The following FSTL5 variants were observed in gnomAD, a reference collection of about 807,000 sequenced individuals.
The protein encoded by FSTL5 is follistatin-related protein 5.
A neutral mutation model predicts 89.1 loss-of-function variants in FSTL5; 62 were observed. The ratio of observed to expected loss-of-function variants is 0.70; its 90% CI spans 0.57 to 0.86. The LOEUF is 0.86. Among genes scored for constraint, FSTL5 ranks in the 40% least tolerant of loss-of-function variants. The pLI, the probability that FSTL5 is intolerant of heterozygous loss-of-function variation, is 0.00. For synonymous variants in FSTL5, 383 were observed against 346.2 expected (o/e 1.11, Z -1.18); for missense variants, 1,057 against 1,001.6 (o/e 1.06, Z -0.75).
At chr4:162,124,784 C>T (rs566628555) in intron 1 of FSTL5, among the ~76,000 whole-genome samples, 23 of 152,274 alleles carry the variant, frequency 1.5e-4, no homozygotes, top group African/African-American at 3.6e-4. Context: ...ACTGCAACCT[C>T]GGCCCTCCGG....
intron 3 of FSTL5, among the ~76,000 whole-genome samples, chr4:161,984,965 T>TC (rs1735922390): frequency 1.3e-5 from 2 of 152,020 alleles, no homozygotes. Context: ...AATACTTTTT[T>TC]TTTTTTTTTA....
intron 12 of FSTL5, among the ~76,000 whole-genome samples, chr4:161,497,766 T>C (rs1295268553): frequency 1.2e-4 from 18 of 152,024 alleles, no homozygotes; most frequent in Admixed American, 1.2e-3. Context: ...AAAAATCTGA[T>C]ATAGCAGATT....
At chr4:161,461,941 A>G (rs1481170601) in intron 13 of FSTL5, among the ~76,000 whole-genome samples, 1 of 152,162 alleles carries the variant, frequency 6.6e-6, no homozygotes, top group Non-Finnish European at 1.5e-5. Flanking sequence ...CAGTAAAAAA[A>G]AAAATCTCAT....
At chr4:161,445,516 A>G (rs1201120963) in intron 15 of FSTL5, among the ~76,000 whole-genome samples, 1 of 151,976 alleles carries the variant, frequency 6.6e-6, no homozygotes, top group East Asian at 1.9e-4. Flanking sequence ...AAGAATAAAT[A>G]TTGTTTATTC....
At chr4:161,755,592 C>T (rs985754975) in intron 6 of FSTL5, among the ~76,000 whole-genome samples, 3 of 151,990 alleles carry the variant, frequency 2.0e-5, no homozygotes, top group African/African-American at 4.8e-5. Flanking sequence ...GCTTTTCTAG[C>T]TTTCTGAGCT....
chr4:161,623,321 CA>C (rs1735207645), intron 7 of FSTL5, among the ~76,000 whole-genome samples: 1 of 151,928 alleles, frequency 6.6e-6, no homozygotes, highest in South Asian at 2.1e-4. Flanking sequence ...AGGCAGGAAA[CA>C]ACCATATTAG....
At chr4:161,725,057 G>A (rs964134376) in intron 6 of FSTL5, among the ~76,000 whole-genome samples, 1 of 152,028 alleles carries the variant, frequency 6.6e-6, no homozygotes, top group African/African-American at 2.4e-5. Flanking sequence ...TTAGCTGGGC[G>A]TGGTGTCACG....
intron 2 of FSTL5, among the ~76,000 whole-genome samples, chr4:162,094,527 G>T (rs890764059): frequency 6.6e-6 from 1 of 152,076 alleles, no homozygotes; most frequent in African/African-American, 2.4e-5. Context: ...ATGGGCCACT[G>T]CAGAGTAATA....
At chr4:161,418,369 G>T (rs567273443) in intron 15 of FSTL5, among the ~76,000 whole-genome samples, 2 of 152,220 alleles carry the variant, frequency 1.3e-5, no homozygotes, top group South Asian at 2.1e-4. Context: ...TCATACAAAT[G>T]CATGACAATA....
At chr4:162,140,062 C>T (rs1423169976) in intron 1 of FSTL5, among the ~76,000 whole-genome samples, 1 of 151,718 alleles carries the variant, frequency 6.6e-6, no homozygotes, top group Non-Finnish European at 1.5e-5. Flanking sequence ...AGGTAAATGC[C>T]AATAAATATT....
At chr4:161,777,551 G>A (rs538814176) in intron 4 of FSTL5, among the ~76,000 whole-genome samples, 213 of 152,120 alleles carry the variant, frequency 1.4e-3, no homozygotes, top group Non-Finnish European at 2.2e-3. Flanking sequence ...GATCATATTA[G>A]TATTCTTCTA....
chr4:161,814,961 A>G (rs1379323968), intron 4 of FSTL5, among the ~76,000 whole-genome samples: 2 of 152,068 alleles, frequency 1.3e-5, no homozygotes, highest in Non-Finnish European at 2.9e-5. Flanking sequence ...CATCTATAGG[A>G]TCATACAATT....
At chr4:161,805,232 C>T (rs1354202050) in intron 4 of FSTL5, among the ~76,000 whole-genome samples, 1 of 152,028 alleles carries the variant, frequency 6.6e-6, no homozygotes, top group Non-Finnish European at 1.5e-5. Flanking sequence ...ATACAATTTT[C>T]ACATGAGTTT....
chr4:161,444,400 A>T (rs965500172), intron 15 of FSTL5, among the ~76,000 whole-genome samples: 1 of 151,776 alleles, frequency 6.6e-6, no homozygotes, highest in Non-Finnish European at 1.5e-5. Context: ...GATCTAAGAG[A>T]TATTAAATAC....
At position 161,542,564 on chromosome 4, in the gene FSTL5, G is replaced by A. The variant is rs747648653; in HGVS notation, c.1145C>T (p.Thr382Ile). ...CGTGAGTTGTTTGGAAAGCTTTGGT[G>A]TAATATCAATTCCATTCTTCAACCA... The part of the protein sequence containing the change: ...LGWLKNGIDI[T>I]PKLSKQLTLQ... Residue 382 changes from threonine to isoleucine, a missense_variant, in exon 9 of 16, where the codon ACA (threonine) becomes ATA (isoleucine). By Grantham distance (89) the Thr-to-Ile change is moderately conservative. Coordinates refer to ENST00000306100, the MANE Select transcript of FSTL5 (RefSeq NM_020116.5). 1 of 1,552,682 alleles carries A rather than the reference G, an allele frequency of 6.4e-7. No individual in the cohort carries two copies. The highest frequency in any genetic ancestry group is 2.4e-5 in the East Asian group (1 of 41,494).
At chr4:161,833,836 A>G (rs1162470208) in intron 4 of FSTL5, among the ~76,000 whole-genome samples, 1 of 151,804 alleles carries the variant, frequency 6.6e-6, no homozygotes, top group African/African-American at 2.4e-5. Flanking sequence ...TCTTTATCCA[A>G]TTTGCCAGTC....
chr4:161,758,055 C>G (rs945425882), intron 6 of FSTL5, among the ~76,000 whole-genome samples: 1 of 152,122 alleles, frequency 6.6e-6, no homozygotes, highest in Non-Finnish European at 1.5e-5. Flanking sequence ...TAACCATATC[C>G]AAAGAGCGTA....
chr4:161,488,161 GCT>G (rs1161359536), intron 12 of FSTL5, among the ~76,000 whole-genome samples: 1 of 151,946 alleles, frequency 6.6e-6, no homozygotes, highest in African/African-American at 2.4e-5. Flanking sequence ...TGAGATTACT[GCT>G]TATAACCAAA....
At chr4:161,685,072 A>G (rs1463377164) in intron 6 of FSTL5, among the ~76,000 whole-genome samples, 1 of 151,958 alleles carries the variant, frequency 6.6e-6, no homozygotes, top group Non-Finnish European at 1.5e-5. Flanking sequence ...ATTTGGGTTT[A>G]TTACTGGGTT....
Sources: gnomAD v4.1 joint callset for allele counts (sites outside exome capture counted in the v4.1 genomes callset) on GRCh38, gnomAD v4.1.1 for gene constraint, MANE v1.5 for transcripts, NCBI Gene and HGNC (gene_info 2026-07-23, HGNC 2026-07-21) for gene names.